The following XPA variants were observed in gnomAD, a reference collection of about 807,000 sequenced individuals.
The protein encoded by XPA is DNA repair protein complementing XP-A cells.
A neutral mutation model predicts 35.7 loss-of-function variants in XPA; 27 were observed. That is an observed-to-expected ratio of 0.76 (90% CI 0.56 to 1.04). The LOEUF is 1.04. XPA is among the 50% of genes least tolerant of loss of function. The probability of loss-of-function intolerance (pLI) is 0.00; values close to 1 mark genes in which losing one functional copy is unlikely to be tolerated. For missense variants in XPA, 354 were observed against 342.7 expected (o/e 1.03, Z -0.26); for synonymous variants, 133 against 118.4 (o/e 1.12, Z -0.80).
intron 5 of XPA, among the ~76,000 whole-genome samples, chr9:97,684,531 A>G (rs986703922): frequency 1.3e-5 from 2 of 152,212 alleles, no homozygotes. Context: ...TTAGATGACT[A>G]AGACTTAGGG....
chr9:97,682,639 T>G (rs1375802144), intron 5 of XPA, among the ~76,000 whole-genome samples: 1 of 152,200 alleles, frequency 6.6e-6, no homozygotes, highest in African/African-American at 2.4e-5. Flanking sequence ...ACATCCTTCA[T>G]TCAAATAACA....
Position 97,687,178 on chromosome 9 carries a change from C to CT in XPA, c.472dup (p.Arg158LysfsTer6), listed in dbSNP as rs1554701520. The CT allele has an allele frequency of 8.7e-6, 14 of 1,612,496 alleles. No homozygotes were observed. The highest frequency in any genetic ancestry group is 1.2e-5 in the Non-Finnish European group (14 of 1,179,564). ...CACAATAAATTTAAGAGGTGGCTCT[C>CT]TTTTTTCTAAATCACAGTCTTTCAG... On this transcript the variant is annotated frameshift_variant, in exon 4 of 6. Transcript: ENST00000375128. LOFTEE classifies it high-confidence loss of function.
chr9:97,671,063 T>G, downstream of XPA: 1 of 1,500,130 alleles, frequency 6.7e-7, no homozygotes, highest in African/African-American at 1.4e-5. Context: ...CTGACCTAAC[T>G]ACCCCCTTTT....
chr9:97,671,313 A>T, downstream of XPA: 2 of 742,186 alleles, frequency 2.7e-6, no homozygotes, highest in Non-Finnish European at 4.4e-6. Context: ...TCTTAAAGGA[A>T]ACAAAGGGGA....
At chr9:97,671,587 G>A (rs145736771), downstream of XPA, 434 of 157,444 alleles carry the variant, frequency 2.8e-3, 2 homozygotes, top group African/African-American at 0.01. Context: ...ACAGCTCGGG[G>A]ATGAATTAAC....
In XPA at chr9:97,675,413, A is replaced by G. The variant is rs374720100; in HGVS notation, c.*26T>C. ...TTCCTTTATTTAAATATAAAATTCT[A>G]TAAAACAGGTCACTGAACTAAAAAA... On this transcript the variant is annotated 3_prime_UTR_variant, in exon 6 of 6. Transcript: ENST00000375128. The G allele has an allele frequency of 3.1e-6, 5 of 1,605,720 alleles. No homozygotes were observed. The African/African-American group carries it at 5.4e-5, about 17-fold the overall frequency.
the XPA span, chr9:97,664,190 C>G: frequency 8.5e-5 from 44 of 515,824 alleles, no homozygotes; most frequent in Non-Finnish European, 1.4e-4. Flanking sequence ...AAAAAAAGAC[C>G]TAATGGTCAG....
intron 3 of XPA, among the ~76,000 whole-genome samples, chr9:97,687,767 C>G (rs1455293005): frequency 6.6e-6 from 1 of 152,108 alleles, no homozygotes; most frequent in Non-Finnish European, 1.5e-5. Context: ...GTGGTCCAGG[C>G]AAGAGCTGAT....
chr9:97,660,655 C>T, the XPA span, among the ~76,000 whole-genome samples: 55 of 152,310 alleles, frequency 3.6e-4, no homozygotes, highest in African/African-American at 1.1e-3. Context: ...TTCTCCTTAC[C>T]ATTCATCTTG....
At chr9:97,658,563 C>A in the XPA span, 3 of 1,104,424 alleles carry the variant, frequency 2.7e-6, no homozygotes, top group Non-Finnish European at 4.1e-6. Context: ...GAGATCATGA[C>A]TTTCCAGGTA....
chr9:97,654,939 A>T, the XPA span: 2 of 1,598,306 alleles, frequency 1.3e-6, no homozygotes, highest in Non-Finnish European at 1.7e-6. Flanking sequence ...CTACCTGTGT[A>T]GACAGGTACA....
chr9:97,673,489 T>C (rs1286050711), downstream of XPA: 1 of 152,238 alleles, frequency 6.6e-6, no homozygotes, highest in African/African-American at 2.4e-5. Flanking sequence ...CCTCTCTTCA[T>C]GTATAATGGT....
intron 1 of XPA, among the ~76,000 whole-genome samples, chr9:97,694,311 G>C (rs1828979789): frequency 6.6e-6 from 1 of 152,248 alleles, no homozygotes; most frequent in Non-Finnish European, 1.5e-5. Context: ...ATGGTTGATT[G>C]TGGGTAACTA....
At chr9:97,669,565 A>G in the XPA span, 2 of 1,473,748 alleles carry the variant, frequency 1.4e-6, no homozygotes, top group Non-Finnish European at 1.9e-6. Flanking sequence ...TGTCTGTAGT[A>G]CTACCTTAAC....
At chr9:97,693,272 C>A (rs1828945724) in intron 2 of XPA, among the ~76,000 whole-genome samples, 1 of 152,124 alleles carries the variant, frequency 6.6e-6, no homozygotes, top group African/African-American at 2.4e-5. Context: ...TGCTTTCTTT[C>A]TCCACAGATA....
chr9:97,696,145 A>G (rs1470891638), intron 1 of XPA, among the ~76,000 whole-genome samples: 1 of 152,248 alleles, frequency 6.6e-6, no homozygotes, highest in Non-Finnish European at 1.5e-5. Context: ...TATGAACATC[A>G]AGACATGCTG....
the XPA span, chr9:97,666,785 C>T: frequency 6.2e-7 from 1 of 1,602,606 alleles, no homozygotes; most frequent in Non-Finnish European, 8.5e-7. Context: ...GGAAATTTTG[C>T]ACTCTACAAT....
the XPA span, chr9:97,669,443 AG>A: frequency 1.6e-6 from 1 of 615,352 alleles, no homozygotes; most frequent in Middle Eastern, 4.3e-4. Context: ...CTGCCCTTCT[AG>A]GTTGACTTCA....
the XPA span, chr9:97,658,654 A>T: frequency 2.2e-5 from 36 of 1,610,816 alleles, no homozygotes; most frequent in Non-Finnish European, 3.1e-5. Context: ...TCTTACCATC[A>T]GCGTATATTA....
Sources: allele counts gnomAD v4.1 joint callset (sites outside exome capture counted in the v4.1 genomes callset), GRCh38; gene constraint gnomAD v4.1.1; transcripts MANE v1.5; gene names NCBI Gene and HGNC (gene_info 2026-07-23, HGNC 2026-07-21).